AGBL1: variants seen among roughly 807,000 people sequenced by gnomAD.
The protein encoded by AGBL1 is AGBL carboxypeptidase 1, also known as cytosolic carboxypeptidase 4.
A neutral mutation model predicts 118.9 loss-of-function variants in AGBL1; 130 were observed. The observed-to-expected ratio is 1.09, with a 90% CI of 0.95 to 1.26. The LOEUF (loss-of-function observed/expected upper bound fraction) is 1.26. AGBL1 is among the 50% of genes most tolerant of loss of function. AGBL1 has a pLI of 0.00. For synonymous variants in AGBL1, 555 were observed against 478.9 expected (o/e 1.16, Z -2.08); for missense variants, 1,584 against 1,298.1 (o/e 1.22, Z -3.38).
At chr15:86,889,638 C>A (rs915224720) in intron 22 of AGBL1, among the ~76,000 whole-genome samples, 1 of 152,262 alleles carries the variant, frequency 6.6e-6, no homozygotes, top group East Asian at 1.9e-4. Context: ...TAAGTGAGAA[C>A]ATGTGGTGTT....
intron 22 of AGBL1, among the ~76,000 whole-genome samples, chr15:86,858,806 G>C (rs1259634190): frequency 1.3e-5 from 2 of 152,132 alleles, no homozygotes; most frequent in South Asian, 2.1e-4. Flanking sequence ...TGTGAATTAA[G>C]GTGGTCTAGA....
At chr15:86,373,478 G>C (rs1188928080) in intron 17 of AGBL1, among the ~76,000 whole-genome samples, 2 of 152,136 alleles carry the variant, frequency 1.3e-5, no homozygotes, top group African/African-American at 2.4e-5. Flanking sequence ...ATTGGATGAG[G>C]GTTTTAGAAA....
chr15:86,307,446 A>G (rs899477509), intron 17 of AGBL1, among the ~76,000 whole-genome samples: 1 of 151,630 alleles, frequency 6.6e-6, no homozygotes, highest in African/African-American at 2.4e-5. Context: ...TTTTTGCTTA[A>G]TTTTCATGGA....
intron 24 of AGBL1, among the ~76,000 whole-genome samples, chr15:87,012,052 C>T (rs745806209): frequency 6.6e-6 from 1 of 152,080 alleles, no homozygotes; most frequent in Non-Finnish European, 1.5e-5. Flanking sequence ...ACAGAGGCTA[C>T]TATGTCCAAT....
chr15:86,116,802 G>A (rs990562804), intron 1 of AGBL1: 2 of 152,142 alleles, frequency 1.3e-5, no homozygotes, highest in African/African-American at 4.8e-5. Context: ...GCAGATGACA[G>A]GTCATGGGAC....
chr15:86,948,638 G>C (rs1467006505), intron 23 of AGBL1, among the ~76,000 whole-genome samples: 2 of 152,216 alleles, frequency 1.3e-5, no homozygotes, highest in East Asian at 3.8e-4. Flanking sequence ...TGATGAGTAT[G>C]TCTTCCAAAG....
intron 22 of AGBL1, among the ~76,000 whole-genome samples, chr15:86,801,648 C>T: frequency 6.6e-6 from 1 of 152,062 alleles, no homozygotes; most frequent in East Asian, 1.9e-4. Flanking sequence ...ATCTGTTTAA[C>T]CTTCAACATA....
intron 1 of AGBL1, among the ~76,000 whole-genome samples, chr15:86,115,076 A>G (rs1295014654): frequency 6.6e-6 from 1 of 152,230 alleles, no homozygotes; most frequent in Non-Finnish European, 1.5e-5. Context: ...GACCTGAGGT[A>G]ATATCTTGAC....
intron 23 of AGBL1, among the ~76,000 whole-genome samples, chr15:86,922,990 A>G (rs1361495493): frequency 6.6e-6 from 1 of 152,200 alleles, no homozygotes; most frequent in Non-Finnish European, 1.5e-5. Context: ...CATGTGAAAA[A>G]TAAGGAGACA....
chr15:86,140,211 A>G (rs1450695341), intron 1 of AGBL1: 1 of 152,082 alleles, frequency 6.6e-6, no homozygotes, highest in Non-Finnish European at 1.5e-5. Context: ...TCAATTAATT[A>G]ATTTTGATTT....
intron 5 of AGBL1, among the ~76,000 whole-genome samples, chr15:86,218,592 A>G (rs551913740): frequency 6.6e-6 from 1 of 152,294 alleles, no homozygotes; most frequent in Non-Finnish European, 1.5e-5. Context: ...CCCTGTGATT[A>G]TATTACATAA....
chr15:86,858,083 T>C (rs2079508330), intron 22 of AGBL1, among the ~76,000 whole-genome samples: 1 of 152,172 alleles, frequency 6.6e-6, no homozygotes, highest in Non-Finnish European at 1.5e-5. Flanking sequence ...TAAGCTCCCC[T>C]GATACCACTT....
intron 21 of AGBL1, among the ~76,000 whole-genome samples, chr15:86,645,762 A>T (rs1418328106): frequency 6.6e-6 from 1 of 152,206 alleles, no homozygotes; most frequent in African/African-American, 2.4e-5. Flanking sequence ...ATGAGTTAGA[A>T]ATGTCAGAGC....
intron 22 of AGBL1, among the ~76,000 whole-genome samples, chr15:86,684,765 G>A (rs1282641960): frequency 6.6e-6 from 1 of 152,040 alleles, no homozygotes; most frequent in Non-Finnish European, 1.5e-5. Context: ...TTTAACATTA[G>A]GGAATCTCCT....
At chr15:86,962,401 A>G (rs893828287) in intron 23 of AGBL1, among the ~76,000 whole-genome samples, 1 of 152,134 alleles carries the variant, frequency 6.6e-6, no homozygotes, top group Non-Finnish European at 1.5e-5. Flanking sequence ...TAACATGTCT[A>G]AGATTCCAAA....
intron 4 of AGBL1, among the ~76,000 whole-genome samples, chr15:86,157,230 A>G (rs896533176): frequency 6.6e-6 from 1 of 152,188 alleles, no homozygotes; most frequent in Non-Finnish European, 1.5e-5. Flanking sequence ...TCTCCCGTAT[A>G]TTGACCTGAA....
intron 22 of AGBL1, among the ~76,000 whole-genome samples, chr15:86,787,488 C>T (rs2078429632): frequency 6.6e-6 from 1 of 152,130 alleles, no homozygotes. Context: ...TCAACTTTTT[C>T]TTTAGACTCC....
chr15:87,013,433 G>T (rs1051672516), intron 24 of AGBL1, among the ~76,000 whole-genome samples: 1 of 152,152 alleles, frequency 6.6e-6, no homozygotes, highest in Non-Finnish European at 1.5e-5. Context: ...AGCTGAAATT[G>T]CTGCTGTTTA....
At chr15:86,152,800 C>T (rs1261634787) in intron 3 of AGBL1, among the ~76,000 whole-genome samples, 1 of 152,114 alleles carries the variant, frequency 6.6e-6, no homozygotes, top group Non-Finnish European at 1.5e-5. Context: ...CTACAAAGAA[C>T]TCAAACAAAT....
Sources: allele counts gnomAD v4.1 joint callset (sites outside exome capture counted in the v4.1 genomes callset), GRCh38; gene constraint gnomAD v4.1.1; transcripts MANE v1.5; gene names NCBI Gene and HGNC (gene_info 2026-07-23, HGNC 2026-07-21).